The following HERC2 variants were observed in gnomAD, a reference collection of about 807,000 sequenced individuals.
The protein encoded by HERC2 is HECT and RLD domain containing E3 ubiquitin protein ligase 2.
HERC2 carries 102 observed loss-of-function variants against 537.7 expected under a neutral mutation model. The observed-to-expected ratio is 0.19, with a 90% confidence interval of 0.16 to 0.22. The LOEUF (loss-of-function observed/expected upper bound fraction) is 0.22. Ranked by LOEUF, HERC2 falls within the 10% of genes least tolerant of loss-of-function variation. HERC2 has a pLI of 1.00. For synonymous variants in HERC2, 2,224 were observed against 2,466.2 expected (o/e 0.90, Z 2.91); for missense variants, 4,236 against 6,198.2 (o/e 0.68, Z 10.63).
At chr15:28,249,179 A>T (rs912705454) in intron 20 of HERC2, among the ~76,000 whole-genome samples, 6 of 152,212 alleles carry the variant, frequency 3.9e-5, no homozygotes, top group Non-Finnish European at 8.8e-5. Flanking sequence ...TGCATTTCAA[A>T]CAGCAATGTG....
chr15:28,315,349 T>C (rs936064135), intron 2 of HERC2, among the ~76,000 whole-genome samples: 11 of 152,230 alleles, frequency 7.2e-5, no homozygotes, highest in Admixed American at 2.0e-4. Flanking sequence ...CTCTCTTGCG[T>C]GACATCACAG....
At chr15:28,313,646 A>G (rs2077004629) in intron 2 of HERC2, among the ~76,000 whole-genome samples, 1 of 152,262 alleles carries the variant, frequency 6.6e-6, no homozygotes, top group African/African-American at 2.4e-5. Context: ...GTAAAGGTAT[A>G]TGGCTTTTTT....
chr15:28,173,057 T>C (rs1894846788), intron 65 of HERC2, among the ~76,000 whole-genome samples: 2 of 152,230 alleles, frequency 1.3e-5, no homozygotes, highest in South Asian at 4.1e-4. Flanking sequence ...GATACCACCA[T>C]ACGTCTATCA....
intron 83 of HERC2, among the ~76,000 whole-genome samples, chr15:28,126,063 CTA>C (rs1447501122): frequency 5.3e-5 from 8 of 152,230 alleles, no homozygotes; most frequent in Admixed American, 2.6e-4. Flanking sequence ...ACCTGAAAAT[CTA>C]TGTTTTTAAA....
chr15:28,176,931 C>T lies in HERC2; in HGVS notation c.9432+19G>A. The T allele has an allele frequency of 6.2e-7, 1 of 1,602,432 alleles. No homozygotes were observed. The highest frequency in any genetic ancestry group is 8.5e-7 in the Non-Finnish European group (1 of 1,171,590). ...CAGATGGTAAGCTTTCTGCAAGCAA[C>T]AAAAATGCGTATAATCACCATTTTG... On this transcript the variant is annotated intron_variant, in intron 61 of 92. Transcript: ENST00000261609. The surrounding 1 kb of genome is among the most constrained non-coding windows in gnomAD (Gnocchi z 5.0).
At chr15:28,198,802 A>G (rs1897606025) in intron 48 of HERC2, 33 bp from the exon 49 acceptor site, 1 of 1,569,550 alleles carries the variant, frequency 6.4e-7, no homozygotes. Context: ...GATCCAGTCC[A>G]TCATGTACAC....
Position 28,238,221 on chromosome 15 carries a change from A to T in HERC2, c.3749-4T>A. On this transcript the variant is annotated splice_region_variant and splice_polypyrimidine_tract_variant and intron_variant, in intron 24 of 92. Transcript: ENST00000261609. ...GGGTCTTCCCCTGCAAACTGAGCTG[A>T]AACAAAAAGGGAAAAAGCAACATGA... 6.4e-7 allele frequency: 1 copy of T among 1,565,458 alleles called. No homozygotes were observed. The highest frequency in any genetic ancestry group is 1.7e-5 in the Admixed American group (1 of 59,964).
rs1896801770 is a variant in HERC2, at chr15:28,190,947, A to T, written c.8649+18T>A. The T allele has an allele frequency of 6.5e-7, 1 of 1,530,352 alleles. No homozygotes were observed. The highest frequency in any genetic ancestry group is 1.1e-5 in the South Asian group (1 of 89,470). 94.8% of individuals were successfully genotyped at this position (1,530,352 alleles called of 1,614,324 possible). ...CATCTGTAAATCATCCAAATGGAAC[A>T]CTAGCATAGCTACTTACCTCTGTGC... On this transcript the variant is annotated intron_variant, in intron 55 of 92. Transcript: ENST00000261609.
chr15:28,161,075 G>A, intron 69 of HERC2, among the ~76,000 whole-genome samples: 1 of 152,190 alleles, frequency 6.6e-6, no homozygotes, highest in East Asian at 1.9e-4. Flanking sequence ...ATGAATAGCA[G>A]ATGAAGAAAT....
chr15:28,113,437 G>C lies in HERC2; in HGVS notation c.14019+136C>G. On this transcript the variant is annotated intron_variant, in intron 91 of 92. Coordinates refer to ENST00000261609, the MANE Select transcript of HERC2 (RefSeq NM_004667.6). The surrounding 1 kb of genome is among the most constrained non-coding windows in gnomAD (Gnocchi z 7.0). ...CCCACACACAGCCTCCTGCAGGCGG[G>C]TGGAGGGACGCGCTCAGAGTGCACT... 9.5e-7 allele frequency: 1 copy of C among 1,053,796 alleles called. No individual in the cohort carries two copies. Among genetic ancestry groups the C allele is most frequent in the Non-Finnish European group, 1.4e-6 (1 of 704,262 alleles). 65.3% of individuals were successfully genotyped at this position (1,053,796 alleles called of 1,614,324 possible). A position where few individuals can be genotyped will look rare whatever the true frequency, so the allele number is the denominator to read the frequency against.
rs1325816270 is a variant in HERC2 at position 28,229,399 on chromosome 15, C to A, written c.5121-53G>T. The A allele has an allele frequency of 1.1e-5, 17 of 1,613,344 alleles. No individual in the cohort carries two copies. In the Admixed American group the frequency reaches 2.8e-4, roughly 27 times the overall value. ...TTGGGACACTGCCAGACTTCTGTTACAGAACAACATTTTGTTGCCATAGCT... is the reference window on the plus strand; with the variant it reads ...TTGGGACACTGCCAGACTTCTGTTAAAGAACAACATTTTGTTGCCATAGCT... On this transcript the variant is annotated intron_variant, in intron 33 of 92. Coordinates refer to ENST00000261609, the MANE Select transcript of HERC2 (RefSeq NM_004667.6).
chr15:28,273,991 CAG>C (rs1287456552), intron 7 of HERC2, among the ~76,000 whole-genome samples: 1 of 152,188 alleles, frequency 6.6e-6, no homozygotes, highest in Non-Finnish European at 1.5e-5. Context: ...CTAATCATCA[CAG>C]AGAGACACAC....
chr15:28,214,898 A>G, intron 39 of HERC2, 96 bp from the exon 40 acceptor site: 1 of 1,026,198 alleles, frequency 9.7e-7, no homozygotes, highest in East Asian at 2.6e-5. Context: ...TTTGAGACAG[A>G]GTCTCACACT....
intron 89 of HERC2, among the ~76,000 whole-genome samples, chr15:28,115,096 C>G (rs983515142): frequency 2.6e-5 from 4 of 151,932 alleles, no homozygotes; most frequent in Non-Finnish European, 4.4e-5. Context: ...ACAACACAGC[C>G]ATGGGGAATG....
rs1902532204 is a variant in HERC2 at position 28,236,996 on chromosome 15, T to C, written c.3970A>G (p.Thr1324Ala). ...GLHASYLAMS[T>A]PLSPVEIECA... ...TCAATCTCGACAGGAGACAGCGGTG[T>C]GCTCATTGCCAAATACGAAGCGTGT... Residue 1324 changes from threonine (T) to alanine (A), a missense_variant, in exon 26 of 93, where the codon ACA (threonine) becomes GCA (alanine). Thr to Ala is a moderately conservative substitution (Grantham distance 58, BLOSUM62 0). Transcript: ENST00000261609. The C allele has an allele frequency of 6.2e-7, 1 of 1,612,004 alleles. No homozygotes were observed. The highest frequency in any genetic ancestry group is 1.1e-5 in the South Asian group (1 of 90,990).
chr15:28,289,292 G>GA (rs2076246642), intron 4 of HERC2, among the ~76,000 whole-genome samples: 2 of 152,106 alleles, frequency 1.3e-5, no homozygotes, highest in South Asian at 4.1e-4. Context: ...CAAATCAGAA[G>GA]AAAGGAGAGT....
Position 28,269,338 on chromosome 15 carries a change from T to C in HERC2, c.1356A>G (p.Gly452=), listed in dbSNP as rs1194809757. ...TCTCTGCACAGGCAATCTGTGTGAC[T>C]CCCAGGTTGGCCAGGCCTTCGCACT... ...PIQCEGLANL[G]VTQIACAEKR... is the part of the protein sequence containing the mutation. Residue 452 remains glycine (G), a synonymous_variant, in exon 11 of 93, where the codon GGA becomes GGG. Transcript: ENST00000261609. 1.9e-6 allele frequency: 3 copies of C among 1,614,088 alleles called. No homozygotes were observed. Among genetic ancestry groups the C allele is most frequent in the Non-Finnish European group, 2.5e-6 (3 of 1,180,032 alleles).
At chr15:28,256,386 A>G in intron 17 of HERC2, 69 bp from the exon 18 acceptor site, 1 of 1,019,314 alleles carries the variant, frequency 9.8e-7, no homozygotes. Context: ...CTTATTAAAC[A>G]CTGAATAAAA....
chr15:28,173,722 G>C (rs1436681637), intron 65 of HERC2, among the ~76,000 whole-genome samples: 2 of 150,716 alleles, frequency 1.3e-5, no homozygotes, highest in Non-Finnish European at 2.9e-5. Context: ...AGGATCACTT[G>C]AGCCCAGGAG....
Sources: allele counts gnomAD v4.1 joint callset (sites outside exome capture counted in the v4.1 genomes callset), GRCh38; gene constraint gnomAD v4.1.1; non-coding constraint Gnocchi (gnomAD v3.1); transcripts MANE v1.5; gene names NCBI Gene and HGNC (gene_info 2026-07-23, HGNC 2026-07-21).